Variants in TGDS observed in about 807,000 individuals in gnomAD.
TGDS encodes TDP-glucose 4,6-dehydratase.
A neutral mutation model predicts 52.3 loss-of-function variants in TGDS; 47 were observed. The observed-to-expected ratio is 0.90, with a 90% CI of 0.71 to 1.15. TGDS has a LOEUF of 1.15. Among genes scored for constraint, TGDS ranks in the 50% most tolerant of loss-of-function variants. The pLI is 0.00. For synonymous variants in TGDS, 115 were observed against 136.9 expected (o/e 0.84, Z 1.12); for missense variants, 375 against 418.4 (o/e 0.90, Z 0.90).
At chr13:94,575,270 A>ATGTGAAC (rs1350159848) in intron 11 of TGDS, among the ~76,000 whole-genome samples, 6 of 143,990 alleles carry the variant, frequency 4.2e-5, no homozygotes, top group African/African-American at 1.5e-4. Flanking sequence ...CAATGAGTTG[A>ATGTGAAC]TGTGAACTTC....
At chr13:94,585,976 T>A (rs1888967300) in intron 4 of TGDS, among the ~76,000 whole-genome samples, 1 of 151,844 alleles carries the variant, frequency 6.6e-6, no homozygotes, top group Admixed American at 6.6e-5. Flanking sequence ...ACATATAATT[T>A]CCAAACTAGT....
At chr13:94,576,978 G>A (rs1421274632) in intron 10 of TGDS, among the ~76,000 whole-genome samples, 1 of 151,962 alleles carries the variant, frequency 6.6e-6, no homozygotes. Context: ...GCGTGTGCCT[G>A]TAGTCCCAGC....
intron 6 of TGDS, 114 bp from the exon 7 acceptor site, chr13:94,580,067 C>A: frequency 1.6e-6 from 1 of 615,602 alleles, no homozygotes; most frequent in South Asian, 2.5e-5. Flanking sequence ...TTCCACACAC[C>A]TTAAGGTCAA....
chr13:94,576,704 C>G (rs1164978839), intron 10 of TGDS, among the ~76,000 whole-genome samples: 1 of 152,094 alleles, frequency 6.6e-6, no homozygotes, highest in Non-Finnish European at 1.5e-5. Flanking sequence ...TGTTCAATGA[C>G]TAAATAAACA....
Position 94,589,319 on chromosome 13 carries a change from C to CTT in TGDS, c.313+1532_313+1533dup, listed in dbSNP as rs36115215. The stretch of plus-strand genomic sequence containing the variant: ...CCATTTTAAAATGGACAAAAGATTT[C>CTT]TTTTTTTTTTTTTTTAAGATGGAGT... On this transcript the variant is annotated intron_variant, in intron 4 of 11. Transcript: ENST00000261296. Among the ~76,000 whole-genome samples, 158 of 146,634 alleles carry CTT rather than the reference C, an allele frequency of 1.1e-3. 2 individuals are homozygous for CTT. Among genetic ancestry groups the CTT allele is most frequent in the South Asian group, 3.9e-3 (18 of 4,642 alleles).
At chr13:94,578,688 A>G in intron 8 of TGDS, 42 bp downstream of exon 8, 1 of 1,436,860 alleles carries the variant, frequency 7.0e-7, no homozygotes, top group Non-Finnish European at 9.7e-7. Flanking sequence ...ATACTCTAAC[A>G]TACCAGAAAA....
chr13:94,588,421 C>CAAAAAAAAAAAAAAAAAAA (rs150186125), intron 4 of TGDS, among the ~76,000 whole-genome samples: 4 of 58,492 alleles, frequency 6.8e-5, no homozygotes, highest in African/African-American at 2.8e-4. Context: ...GACTCTGTCT[C>CAAAAAAAAAAAAAAAAAAA]AAAAAAAAAA....
At chr13:94,590,649 C>A (rs760517037) in intron 4 of TGDS, among the ~76,000 whole-genome samples, 5 of 152,130 alleles carry the variant, frequency 3.3e-5, no homozygotes. Context: ...AGTTTTCAGA[C>A]AGCAGTCAAG....
chr13:94,591,546 T>A (rs1473579352), intron 3 of TGDS, among the ~76,000 whole-genome samples: 1 of 152,134 alleles, frequency 6.6e-6, no homozygotes, highest in Non-Finnish European at 1.5e-5. Flanking sequence ...TGAGCTGAGA[T>A]CACGCCACTG....
At chr13:94,594,569 A>C (rs1889309894) in intron 1 of TGDS, among the ~76,000 whole-genome samples, 1 of 152,156 alleles carries the variant, frequency 6.6e-6, no homozygotes, top group African/African-American at 2.4e-5. Context: ...GTATACTTAA[A>C]ATGTTGGGCT....
chr13:94,594,129 T>C (rs1380799343), intron 1 of TGDS, among the ~76,000 whole-genome samples: 1 of 152,210 alleles, frequency 6.6e-6, no homozygotes, highest in South Asian at 2.1e-4. Context: ...ATTTAGACTA[T>C]GCAGAAGAGA....
At chr13:94,576,081 G>C (rs1027039769) in intron 11 of TGDS, among the ~76,000 whole-genome samples, 1 of 152,116 alleles carries the variant, frequency 6.6e-6, no homozygotes, top group African/African-American at 2.4e-5. Context: ...AAATAATACA[G>C]GTATTTGATT....
intron 5 of TGDS, among the ~76,000 whole-genome samples, chr13:94,581,918 G>A (rs1292221042): frequency 6.6e-6 from 1 of 152,144 alleles, no homozygotes; most frequent in African/African-American, 2.4e-5. Flanking sequence ...TAGATTCTAA[G>A]GCTGGACACA....
chr13:94,588,239 C>T (rs1275525134), intron 4 of TGDS, among the ~76,000 whole-genome samples: 1 of 151,222 alleles, frequency 6.6e-6, no homozygotes. Context: ...GCCTGGCCAA[C>T]ATGGTGAAAC....
Position 94,596,123 on chromosome 13 carries a change from C to T in TGDS, c.14G>A (p.Cys5Tyr). 4 of 1,614,166 alleles carry T rather than the reference C, an allele frequency of 2.5e-6. No individual in the cohort carries two copies. Among genetic ancestry groups the T allele is most frequent in the Non-Finnish European group, 3.4e-6 (4 of 1,179,994 alleles). MSAA[C>Y]WEEPWGLPGG... is the part of the protein sequence containing the mutation. ...GGGAAGACCCCACGGTTCCTCCCAACACGCCGCCGACATCTCCCAGCTCAG... is the reference window on the plus strand; with the variant it reads ...GGGAAGACCCCACGGTTCCTCCCAATACGCCGCCGACATCTCCCAGCTCAG... The change falls in exon 1 of 12, where the codon TGT (cysteine) becomes TAT (tyrosine). Residue 5 changes from cysteine to tyrosine, a missense_variant. Physicochemically the swap from Cys to Tyr is radical, Grantham distance 194 (BLOSUM62 -2). Transcript: ENST00000261296.
chr13:94,577,998 T>C lies in TGDS; in HGVS notation c.825+7A>G, dbSNP rs764214101. 1.2e-6 allele frequency: 2 copies of C among 1,612,700 alleles called. No homozygotes were observed. Among genetic ancestry groups the C allele is most frequent in the Non-Finnish European group, 8.5e-7 (1 of 1,179,270 alleles). On this transcript the variant is annotated splice_region_variant and intron_variant, in intron 9 of 11. Transcript: ENST00000261296. ...GAAAATACCAACCTTTTAAAACAGA[T>C]ACATACCAGTTGTATTAGTTCTTTG...
At chr13:94,582,752 T>C (rs967001938) in intron 5 of TGDS, among the ~76,000 whole-genome samples, 2 of 152,194 alleles carry the variant, frequency 1.3e-5, no homozygotes, top group Non-Finnish European at 1.5e-5. Flanking sequence ...TAGACTAGAC[T>C]GGCCTAGCCT....
At chr13:94,589,380 C>T (rs4608209) in intron 4 of TGDS, among the ~76,000 whole-genome samples, 104,648 of 150,728 alleles carry the variant, frequency 0.69, 36,931 homozygotes, top group African/African-American at 0.82. Flanking sequence ...AGTGGTGCAA[C>T]CTCAGCTCAC....
intron 6 of TGDS, among the ~76,000 whole-genome samples, chr13:94,580,193 A>C (rs1486218705): frequency 1.3e-5 from 2 of 152,216 alleles, no homozygotes; most frequent in Non-Finnish European, 2.9e-5. Context: ...ACAAGAAGAT[A>C]AACACAGATG....
Sources: allele counts gnomAD v4.1 joint callset (sites outside exome capture counted in the v4.1 genomes callset), GRCh38; gene constraint gnomAD v4.1.1; transcripts MANE v1.5; gene names NCBI Gene and HGNC (gene_info 2026-07-23, HGNC 2026-07-21).